NLRP1: variants seen among roughly 807,000 people sequenced by gnomAD.
NLRP1 encodes NLR family pyrin domain containing 1.
NLRP1 carries 94 observed loss-of-function variants against 136.7 expected under a neutral mutation model. That is an observed-to-expected ratio of 0.69 (90% CI 0.58 to 0.82). The LOEUF (loss-of-function observed/expected upper bound fraction) is 0.82, where lower values mean the gene tolerates loss of function less well. NLRP1 is among the 40% of genes least tolerant of loss of function. The probability of loss-of-function intolerance (pLI) is 0.00; values close to 1 mark genes in which losing one functional copy is unlikely to be tolerated. For missense variants in NLRP1, 1,575 were observed against 1,802.7 expected (o/e 0.87, Z 2.29); for synonymous variants, 690 against 725.1 (o/e 0.95, Z 0.78).
rs1911277076 is a variant in NLRP1, at chr17:5,537,759, C to T, written c.2871-819G>A. Among the ~76,000 whole-genome samples the T allele has an allele frequency of 6.6e-6, 1 of 152,182 alleles. No homozygotes were observed. Among genetic ancestry groups the T allele is most frequent in the African/African-American group, 2.4e-5 (1 of 41,438 alleles). ...CAGGAGGGAAGGAGGTGGAAACCTA[C>T]TCGGGACTCTAGAGAGCAAACCCCC... On this transcript the variant is annotated intron_variant, in intron 7 of 16. Transcript: ENST00000572272. This position sits in a 1 kb window ranked among gnomAD's most constrained non-coding sequence, Gnocchi z 4.5.
At chr17:5,562,802 G>A (rs1028905049) in intron 3 of NLRP1, among the ~76,000 whole-genome samples, 2 of 152,226 alleles carry the variant, frequency 1.3e-5, no homozygotes, top group Non-Finnish European at 2.9e-5. Flanking sequence ...GGTGCCATGT[G>A]TGAGTGAGCA....
chr17:5,543,986 G>C (rs1036820415), intron 5 of NLRP1, among the ~76,000 whole-genome samples: 2 of 152,120 alleles, frequency 1.3e-5, no homozygotes, highest in Non-Finnish European at 2.9e-5. Context: ...AGATTGGGGG[G>C]GTTAATGCTC....
intron 14 of NLRP1, among the ~76,000 whole-genome samples, chr17:5,520,489 C>A (rs563891926): frequency 6.6e-6 from 1 of 152,178 alleles, no homozygotes; most frequent in Non-Finnish European, 1.5e-5. Flanking sequence ...AATCCTATAG[C>A]AGATTCTTTC....
Position 5,561,568 on chromosome 17 carries a change from C to A in NLRP1, c.653-1525G>T. 2.0e-5 allele frequency among the ~76,000 whole-genome samples: 2 copies of A among 100,998 alleles called. 1 individual carries two copies. The allele number at this position is 100,998 out of a possible 152,430, so 66.3% of individuals were successfully genotyped here. ...ACGCCATTCTCCTGCCTCAGCCTCC[C>A]GAGTAGCTGGGACTACAGGCGCCCG... On this transcript the variant is annotated intron_variant, in intron 3 of 16. Coordinates refer to ENST00000572272, the MANE Select transcript of NLRP1 (RefSeq NM_033004.4).
At position 5,522,822 on chromosome 17, in the gene NLRP1, G is replaced by T. The variant is rs1264494021; in HGVS notation, c.3521-1036C>A. On this transcript the variant is annotated intron_variant, in intron 12 of 16. Coordinates refer to ENST00000572272, the MANE Select transcript of NLRP1 (RefSeq NM_033004.4). ...GAGAGACCATTGAGTGATGCTGGAA[G>T]GTTTGACTAGGCAGGTAGAGAACAA... Among the ~76,000 whole-genome samples, 3 of 152,300 alleles carry T rather than the reference G, an allele frequency of 2.0e-5. No individual in the cohort carries two copies. The East Asian group carries it at 5.8e-4, about 29-fold the overall frequency.
At chr17:5,529,984 A>C (rs1387096069) in intron 12 of NLRP1, 1 of 456,624 alleles carries the variant, frequency 2.2e-6, no homozygotes, top group East Asian at 7.0e-5. Context: ...TGTGATTACT[A>C]TCTTCTATGG....
At chr17:5,566,251 C>A (rs1008000684) in intron 3 of NLRP1, among the ~76,000 whole-genome samples, 1 of 151,942 alleles carries the variant, frequency 6.6e-6, no homozygotes, top group Non-Finnish European at 1.5e-5. Flanking sequence ...CTTTAAGATG[C>A]ATCATTAGAT....
intron 3 of NLRP1, among the ~76,000 whole-genome samples, chr17:5,569,887 AT>A (rs1443014635): frequency 6.6e-6 from 1 of 152,140 alleles, no homozygotes; most frequent in African/African-American, 2.4e-5. Flanking sequence ...TTCTCAGCAA[AT>A]TTTAAAAAAC....
At chr17:5,531,745 T>C (rs1196655150) in intron 11 of NLRP1, among the ~76,000 whole-genome samples, 1 of 152,124 alleles carries the variant, frequency 6.6e-6, no homozygotes, top group Non-Finnish European at 1.5e-5. Context: ...AGTATGACTA[T>C]AGAGAATTAC....
At chr17:5,546,362 G>A (rs1353099712) in intron 5 of NLRP1, among the ~76,000 whole-genome samples, 2 of 152,104 alleles carry the variant, frequency 1.3e-5, no homozygotes, top group Admixed American at 6.5e-5. Context: ...CCACCTCTCC[G>A]TCCTCAGCTG....
At position 5,558,469 on chromosome 17, in the gene NLRP1, T is replaced by G. The variant is rs758788129; in HGVS notation, c.2227A>C (p.Met743Leu). ...QVMAHFEEMG[M>L]CVETDMELLV... ...AGCTCCATGTCTGTTTCTACACACA[T>G]GCCCATTTCTTCGAAATGGGCCATC... is the stretch of plus-strand genomic sequence containing the variant. The change falls in exon 4 of 17, where the codon ATG becomes CTG. Residue 743 changes from methionine (M) to leucine (L), a missense_variant. Transcript: ENST00000572272. The G allele has an allele frequency of 6.2e-7, 1 of 1,614,124 alleles. No homozygotes were observed. The highest frequency in any genetic ancestry group is 8.5e-7 in the Non-Finnish European group (1 of 1,180,016).
At chr17:5,534,033 G>T in intron 8 of NLRP1, 45 bp from the exon 9 acceptor site, 1 of 1,343,186 alleles carries the variant, frequency 7.4e-7, no homozygotes, top group South Asian at 1.2e-5. Context: ...TGGAGGAAGC[G>T]AGGGCTGTCC....
intron 3 of NLRP1, among the ~76,000 whole-genome samples, chr17:5,566,400 T>C (rs1915338851): frequency 6.6e-6 from 1 of 152,064 alleles, no homozygotes; most frequent in Non-Finnish European, 1.5e-5. Flanking sequence ...TTTATTTTGT[T>C]CTTAATTTCT....
intron 12 of NLRP1, among the ~76,000 whole-genome samples, chr17:5,528,440 G>A (rs1286617567): frequency 6.6e-6 from 1 of 152,128 alleles, no homozygotes. Flanking sequence ...CCTAGGGAAT[G>A]CCCATATGAC....
rs745934956 is a variant in NLRP1, at chr17:5,541,835, C to G, written c.2699+22G>C. ...TGGCAGGCAGTTCCCTCCACCTCCC[C>G]CTGCCCACCAAGAACAATTACTGCA... On this transcript the variant is annotated intron_variant, in intron 6 of 16. Coordinates refer to ENST00000572272, the MANE Select transcript of NLRP1 (RefSeq NM_033004.4). The surrounding 1 kb of genome is among the most constrained non-coding windows in gnomAD (Gnocchi z 4.2). 6.2e-7 allele frequency: 1 copy of G among 1,612,350 alleles called. No homozygotes were observed.
chr17:5,541,871 C>T lies in NLRP1; in HGVS notation c.2685G>A (p.Lys895=). ...AGAACAATTACTGCAGTCGCTGTAG[C>T]TTGCAGCTCGGCTGTCTCAGTCTCT... ...LCQRLRQPSC[K]LQRLQLVSCG... is the part of the protein sequence containing the mutation. The change falls in exon 6 of 17, where the codon AAG becomes AAA. Residue 895 remains lysine (K), a synonymous_variant. Transcript: ENST00000572272. This position sits in a 1 kb window ranked among gnomAD's most constrained non-coding sequence, Gnocchi z 4.2. 1.2e-6 allele frequency: 2 copies of T among 1,614,120 alleles called. No individual in the cohort carries two copies. The highest frequency in any genetic ancestry group is 8.5e-7 in the Non-Finnish European group (1 of 1,180,018).
intron 12 of NLRP1, among the ~76,000 whole-genome samples, chr17:5,524,778 C>T (rs114342435): frequency 8.5e-4 from 130 of 152,340 alleles, no homozygotes; most frequent in Middle Eastern, 3.4e-3. Context: ...AACAGACGCT[C>T]GGTGCCACTT....
downstream of NLRP1, among the ~76,000 whole-genome samples, chr17:5,510,073 C>T (rs74867764): frequency 0.26 from 38,799 of 146,774 alleles, 5,095 homozygotes; most frequent in South Asian, 0.32. Flanking sequence ...TCTTCTTCTT[C>T]TTTTTTTTTT....
intron 3 of NLRP1, among the ~76,000 whole-genome samples, chr17:5,570,727 C>T (rs1915780180): frequency 6.6e-6 from 1 of 152,102 alleles, no homozygotes. Flanking sequence ...GGGGACTCCT[C>T]TCTAACTCAT....
Sources: gnomAD v4.1 joint callset for allele counts (sites outside exome capture counted in the v4.1 genomes callset) on GRCh38, gnomAD v4.1.1 for gene constraint, Gnocchi (gnomAD v3.1) non-coding constraint, MANE v1.5 for transcripts, NCBI Gene and HGNC (gene_info 2026-07-23, HGNC 2026-07-21) for gene names.